The following PCDHA4 variants were observed in gnomAD, a reference collection of about 807,000 sequenced individuals.
PCDHA4 encodes protocadherin alpha 4.
PCDHA4 carries 49 observed loss-of-function variants against 61.4 expected under a neutral mutation model. The ratio of observed to expected loss-of-function variants is 0.80; its 90% CI spans 0.63 to 1.01. PCDHA4 has a LOEUF of 1.01. Ranked by LOEUF, PCDHA4 falls within the 50% of genes least tolerant of loss-of-function variation. The pLI is 0.00. For synonymous variants in PCDHA4, 590 were observed against 550.3 expected, an observed-to-expected ratio of 1.07 and a Z score of -1.01; for missense variants, 1,254 against 1,235.8, an observed-to-expected ratio of 1.01 and a Z score of -0.22.
At chr5:140,921,961 C>T (rs528457864) in intron 1 of PCDHA4, among the ~76,000 whole-genome samples, 88 of 151,252 alleles carry the variant, frequency 5.8e-4, no homozygotes, top group Non-Finnish European at 9.1e-4. Context: ...TCCCAGAAAA[C>T]CAAAGGAAAA....
chr5:140,883,937 G>C, intron 1 of PCDHA4: 3 of 1,613,414 alleles, frequency 1.9e-6, no homozygotes, highest in Non-Finnish European at 2.5e-6. Context: ...GTTCGTGCTG[G>C]ACGAGAACGA....
chr5:140,973,606 G>T (rs1554235444), intron 1 of PCDHA4, among the ~76,000 whole-genome samples: 1 of 152,204 alleles, frequency 6.6e-6, no homozygotes, highest in African/African-American at 2.4e-5. Flanking sequence ...TTATGGCTGA[G>T]CTCTTCTCTG....
Position 140,809,579 on chromosome 5 carries a change from G to A in PCDHA4, c.2385+7G>A, listed in dbSNP as rs782533943. The A allele has an allele frequency of 1.3e-6, 2 of 1,559,178 alleles. No homozygotes were observed. Among genetic ancestry groups the A allele is most frequent in the South Asian group, 2.4e-5 (2 of 84,618 alleles). ...TGAGGAATCCTTTGCAAAGGTTAGT[G>A]TATAACATCCTTTTGTTTAATTTTC... On this transcript the variant is annotated splice_region_variant and intron_variant, in intron 1 of 3. Transcript: ENST00000530339.
intron 1 of PCDHA4, chr5:140,830,043 T>C: frequency 6.2e-7 from 1 of 1,613,664 alleles, no homozygotes; most frequent in South Asian, 1.1e-5. Flanking sequence ...CTGGTGCTGG[T>C]GAAAGACCAC....
At chr5:140,885,349 AG>A (rs2060568168) in intron 1 of PCDHA4, among the ~76,000 whole-genome samples, 1 of 152,206 alleles carries the variant, frequency 6.6e-6, no homozygotes, top group African/African-American at 2.4e-5. Context: ...GATTTCCAAA[AG>A]GTACTGGTGA....
intron 1 of PCDHA4, chr5:140,828,260 G>A (rs2150153212): frequency 6.8e-6 from 11 of 1,614,030 alleles, no homozygotes; most frequent in Non-Finnish European, 7.6e-6. Flanking sequence ...GCTGGAGCTG[G>A]CGGAGCTGGT....
intron 1 of PCDHA4, chr5:140,842,520 C>T (rs2150337946): frequency 6.2e-7 from 1 of 1,613,528 alleles, no homozygotes; most frequent in East Asian, 2.2e-5. Context: ...CTGGTGTCCA[C>T]CTTCAAGAAT....
intron 1 of PCDHA4, chr5:140,822,388 C>T: frequency 6.2e-7 from 1 of 1,614,066 alleles, no homozygotes; most frequent in Admixed American, 1.7e-5. Context: ...AGAAGAAACA[C>T]AAGAACACCG....
At chr5:140,917,352 C>G (rs2078160172) in intron 1 of PCDHA4, among the ~76,000 whole-genome samples, 1 of 141,764 alleles carries the variant, frequency 7.1e-6, no homozygotes, top group African/African-American at 2.6e-5. Context: ...GTGTAGGCTT[C>G]TGTTCCACTA....
intron 1 of PCDHA4, among the ~76,000 whole-genome samples, chr5:140,838,948 T>C (rs1437181884): frequency 6.6e-6 from 1 of 151,904 alleles, no homozygotes; most frequent in Non-Finnish European, 1.5e-5. Context: ...TAAAATAAAA[T>C]AAAATAAAAA....
rs190994194 is a variant in PCDHA4, at chr5:140,913,276, C to T, written c.2386-65673C>T. On this transcript the variant is annotated intron_variant, in intron 1 of 3. Transcript: ENST00000530339. ...TTTGATCTAATTACTTGTTATTGGTCTGTTTAGGTTTTAATTTCTTCATAG... is the reference window on the plus strand; with the variant it reads ...TTTGATCTAATTACTTGTTATTGGTTTGTTTAGGTTTTAATTTCTTCATAG... Among the ~76,000 whole-genome samples, 291 of 152,186 alleles carry T rather than the reference C, an allele frequency of 1.9e-3. 1 individual carries two copies. The highest frequency in any genetic ancestry group is 0.01 in the Middle Eastern group (3 of 294).
At chr5:140,811,829 C>T (rs1351316701) in intron 1 of PCDHA4, 4 of 152,080 alleles carry the variant, frequency 2.6e-5, no homozygotes, top group African/African-American at 4.8e-5. Flanking sequence ...TATCCTTTGC[C>T]CACTTTTTGA....
chr5:140,967,974 G>A (rs782644202), intron 1 of PCDHA4: 3 of 1,614,204 alleles, frequency 1.9e-6, no homozygotes, highest in South Asian at 1.1e-5. Flanking sequence ...GTGAGCCTGG[G>A]TCTGGAGGCC....
At chr5:140,884,469 C>T (rs371718634) in intron 1 of PCDHA4, 1 of 1,613,766 alleles carries the variant, frequency 6.2e-7, no homozygotes, top group Admixed American at 1.7e-5. Flanking sequence ...GCGTGCGCGC[C>T]GGGCAAGCCC....
intron 1 of PCDHA4, chr5:140,876,915 C>A: frequency 6.2e-7 from 1 of 1,613,966 alleles, no homozygotes; most frequent in Non-Finnish European, 8.5e-7. Flanking sequence ...CGGCATGGGA[C>A]GCGGACGCGC....
At chr5:140,959,883 C>T (rs535578218) in intron 1 of PCDHA4, among the ~76,000 whole-genome samples, 4 of 152,222 alleles carry the variant, frequency 2.6e-5, no homozygotes, top group South Asian at 2.1e-4. Flanking sequence ...AAGGAATACA[C>T]GAGTGGGATT....
At chr5:140,983,379 C>T (rs1169260784) in intron 3 of PCDHA4, among the ~76,000 whole-genome samples, 1 of 152,162 alleles carries the variant, frequency 6.6e-6, no homozygotes, top group Non-Finnish European at 1.5e-5. Context: ...AGGCCCATCG[C>T]TGTGGCAGTT....
At chr5:140,870,141 T>C in intron 1 of PCDHA4, 1 of 1,613,952 alleles carries the variant, frequency 6.2e-7, no homozygotes, top group Non-Finnish European at 8.5e-7. Flanking sequence ...ACGATAACTC[T>C]CCTGAAGTCG....
rs144914662 is a variant in PCDHA4 at position 140,807,597 on chromosome 5, A to T, written c.410A>T (p.Gln137Leu). Residue 137 changes from glutamine to leucine, a missense_variant, in exon 1 of 4, where the codon CAA becomes CTA. Coordinates refer to ENST00000530339, the MANE Select transcript of PCDHA4 (RefSeq NM_018907.4). The stretch of plus-strand genomic sequence containing the variant: ...AACCCGCCGGTGTTCCCAGCAACAC[A>T]AAAGAACCTGTCCATCGCGGAATCC... Reference protein sequence around the residue: ...NDNPPVFPATQKNLSIAESRP... With the variant: ...NDNPPVFPATLKNLSIAESRP... The T allele has an allele frequency of 4.7e-5, 76 of 1,614,090 alleles. No homozygotes were observed. The highest frequency in any genetic ancestry group is 5.8e-5 in the Non-Finnish European group (69 of 1,180,046).
Sources: allele counts gnomAD v4.1 joint callset (sites outside exome capture counted in the v4.1 genomes callset), GRCh38; gene constraint gnomAD v4.1.1; transcripts MANE v1.5; gene names NCBI Gene and HGNC (gene_info 2026-07-23, HGNC 2026-07-21).